MROH2B: variants seen among roughly 807,000 people sequenced by gnomAD.
The protein encoded by MROH2B is maestro heat-like repeat-containing protein family member 2B.
A neutral mutation model predicts 208.6 loss-of-function variants in MROH2B; 177 were observed. The observed-to-expected ratio is 0.85, with a 90% confidence interval of 0.75 to 0.96. MROH2B has a LOEUF of 0.96. Among genes scored for constraint, MROH2B ranks in the 40% least tolerant of loss-of-function variants. The probability of loss-of-function intolerance (pLI) is 0.00; values close to 1 mark genes in which losing one functional copy is unlikely to be tolerated. For missense variants in MROH2B, 2,002 were observed against 1,878.7 expected (o/e 1.07, Z -1.21); for synonymous variants, 728 against 659.0 (o/e 1.10, Z -1.60).
Position 41,000,774 on chromosome 5 carries a change from T to C in MROH2B, c.4254A>G (p.Thr1418=), listed in dbSNP as rs1249944501. 7 of 1,611,558 alleles carry C rather than the reference T, an allele frequency of 4.3e-6. No individual in the cohort carries two copies. Among genetic ancestry groups the C allele is most frequent in the Non-Finnish European group, 5.9e-6 (7 of 1,178,972 alleles). Residue 1418 remains threonine (T), a synonymous_variant, in exon 38 of 42, where the codon ACA becomes ACG. Coordinates refer to ENST00000399564, the MANE Select transcript of MROH2B (RefSeq NM_173489.5). ...CAAAAAAAATCTTCCACCTTCTTCC[T>C]GTTAGGGGTGCCAGGTCCTCAAATA... ...IFLFEDLAPL[T]GRRWKIFFAE...
At chr5:41,061,189 C>T (rs1743626000) in intron 6 of MROH2B, among the ~76,000 whole-genome samples, 3 of 152,276 alleles carry the variant, frequency 2.0e-5, no homozygotes, top group South Asian at 4.1e-4. Flanking sequence ...AGTGACTCAG[C>T]TCATATATGA....
At chr5:41,061,131 T>G (rs1020772138) in intron 6 of MROH2B, among the ~76,000 whole-genome samples, 30 of 152,360 alleles carry the variant, frequency 2.0e-4, no homozygotes, top group African/African-American at 6.0e-4. Context: ...TTAATCATGA[T>G]ATTCATAGAC....
intron 21 of MROH2B, 36 bp downstream of exon 21, chr5:41,038,700 G>A (rs200419484): frequency 3.2e-6 from 5 of 1,567,656 alleles, no homozygotes; most frequent in Non-Finnish European, 4.3e-6. Context: ...AGGAACCCCA[G>A]CCTAGAAATG....
intron 11 of MROH2B, among the ~76,000 whole-genome samples, chr5:41,053,804 C>A (rs1743361162): frequency 2.0e-5 from 3 of 152,086 alleles, no homozygotes; most frequent in Admixed American, 2.0e-4. Context: ...TATTGCAAAG[C>A]TTTTACTATT....
chr5:41,040,072 C>A (rs934673738), intron 19 of MROH2B, among the ~76,000 whole-genome samples: 2 of 152,020 alleles, frequency 1.3e-5, no homozygotes, highest in Non-Finnish European at 2.9e-5. Flanking sequence ...CAGGAGGTGG[C>A]GGGTTCATTA....
intron 2 of MROH2B, 67 bp downstream of exon 2, chr5:41,069,624 A>T: frequency 7.8e-7 from 1 of 1,285,394 alleles, no homozygotes; most frequent in African/African-American, 1.5e-5. Context: ...GACAAAGAAA[A>T]ATATATACGA....
At chr5:41,049,542 T>C in intron 13 of MROH2B, 106 bp from the exon 14 acceptor site, 1 of 1,404,284 alleles carries the variant, frequency 7.1e-7, no homozygotes, top group Non-Finnish European at 9.5e-7. Flanking sequence ...TCTCCTGTTA[T>C]TATTTTGCTT....
chr5:41,023,126 A>C (rs1742216462), intron 24 of MROH2B, among the ~76,000 whole-genome samples: 1 of 152,194 alleles, frequency 6.6e-6, no homozygotes, highest in African/African-American at 2.4e-5. Flanking sequence ...AATTCTAAAA[A>C]TCAGAGCGCT....
At chr5:41,004,594 T>C in intron 36 of MROH2B, 66 bp from the exon 37 acceptor site, 1 of 1,539,110 alleles carries the variant, frequency 6.5e-7, no homozygotes, top group Admixed American at 2.1e-5. Context: ...AGGGTAGGAG[T>C]CCTCAGACAA....
intron 24 of MROH2B, among the ~76,000 whole-genome samples, chr5:41,021,397 T>C (rs1742143118): frequency 6.6e-6 from 1 of 152,216 alleles, no homozygotes; most frequent in Admixed American, 6.5e-5. Context: ...ATGTAATTCC[T>C]ATCAAAATAC....
At chr5:41,052,677 TAAG>T in intron 11 of MROH2B, 90 bp from the exon 12 acceptor site, 1 of 1,244,330 alleles carries the variant, frequency 8.0e-7, no homozygotes, top group Non-Finnish European at 1.1e-6. Context: ...TAAGGATAAT[TAAG>T]TGGGAACATT....
intron 1 of MROH2B, 103 bp from the exon 2 acceptor site, chr5:41,069,855 C>T (rs1476677018): frequency 1.5e-6 from 1 of 687,556 alleles, no homozygotes; most frequent in Non-Finnish European, 2.4e-6. Context: ...TTTATCCTCT[C>T]TCTCTCTCTC....
At chr5:41,006,458 C>T (rs376647289) in intron 34 of MROH2B, among the ~76,000 whole-genome samples, 3 of 152,022 alleles carry the variant, frequency 2.0e-5, no homozygotes, top group Non-Finnish European at 4.4e-5. Context: ...GTAGATCTAC[C>T]GGTTGATCCA....
At chr5:41,039,598 T>C in intron 19 of MROH2B, 43 bp from the exon 20 acceptor site, 1 of 1,345,754 alleles carries the variant, frequency 7.4e-7, no homozygotes. Flanking sequence ...TAACCATTTA[T>C]TTATTCAACA....
intron 11 of MROH2B, among the ~76,000 whole-genome samples, 194 bp from the exon 12 acceptor site, chr5:41,052,781 A>AT (rs1274921862): frequency 2.0e-5 from 3 of 152,102 alleles, no homozygotes; most frequent in African/African-American, 7.2e-5. Flanking sequence ...CAAATTTTGG[A>AT]TTTTTTTCAG....
At chr5:41,057,797 G>A (rs1187754222) in intron 7 of MROH2B, among the ~76,000 whole-genome samples, 4 of 151,614 alleles carry the variant, frequency 2.6e-5, no homozygotes, top group Non-Finnish European at 5.9e-5. Context: ...GACCTCAAGT[G>A]ATCCACCCGC....
intron 12 of MROH2B, among the ~76,000 whole-genome samples, chr5:41,052,065 G>A (rs1743301569): frequency 6.6e-6 from 1 of 152,096 alleles, no homozygotes; most frequent in African/African-American, 2.4e-5. Flanking sequence ...AGCAAGAATT[G>A]ATATCTCTAT....
At chr5:41,070,501 G>A (rs1743954464) in intron 1 of MROH2B, among the ~76,000 whole-genome samples, 1 of 151,998 alleles carries the variant, frequency 6.6e-6, no homozygotes, top group Admixed American at 6.6e-5. Context: ...AGCCATACCT[G>A]GAAATTGGGA....
chr5:41,029,447 CT>C (rs1742491557), intron 24 of MROH2B, among the ~76,000 whole-genome samples: 1 of 152,078 alleles, frequency 6.6e-6, no homozygotes, highest in Non-Finnish European at 1.5e-5. Flanking sequence ...TGACTATTCC[CT>C]TTGTGCTGCA....
Sources: gnomAD v4.1 joint callset for allele counts (sites outside exome capture counted in the v4.1 genomes callset) on GRCh38, gnomAD v4.1.1 for gene constraint, MANE v1.5 for transcripts, NCBI Gene and HGNC (gene_info 2026-07-23, HGNC 2026-07-21) for gene names.